Variants in PIK3R1 observed in about 807,000 individuals in gnomAD.
PIK3R1 encodes phosphoinositide-3-kinase regulatory subunit 1.
In PIK3R1, 29 loss-of-function variants were observed where a neutral mutation model predicts 98.0. The observed-to-expected ratio is 0.30, with a 90% CI of 0.22 to 0.40. The LOEUF (loss-of-function observed/expected upper bound fraction) is 0.40. Ranked by LOEUF, PIK3R1 falls within the 10% of genes least tolerant of loss-of-function variation. PIK3R1 has a pLI of 1.00. For synonymous variants in PIK3R1, 282 were observed against 311.8 expected, an observed-to-expected ratio of 0.90 and a Z score of 1.01; for missense variants, 596 against 872.7, an observed-to-expected ratio of 0.68 and a Z score of 3.99.
intron 2 of PIK3R1, among the ~76,000 whole-genome samples, chr5:68,235,745 A>G (rs1286347456): frequency 1.3e-5 from 2 of 152,234 alleles, no homozygotes; most frequent in African/African-American, 4.8e-5. Flanking sequence ...GTTAGAGTAT[A>G]TCAAAGTACA....
chr5:68,219,154 G>C (rs1297669887), intron 1 of PIK3R1, among the ~76,000 whole-genome samples: 1 of 152,138 alleles, frequency 6.6e-6, no homozygotes, highest in Non-Finnish European at 1.5e-5. Context: ...GGTGTTAGGT[G>C]TTTATTTATT....
At chr5:68,283,785 C>T (rs762261420) in intron 7 of PIK3R1, among the ~76,000 whole-genome samples, 2 of 152,198 alleles carry the variant, frequency 1.3e-5, no homozygotes, top group African/African-American at 2.4e-5. Flanking sequence ...GCCCAGGAGC[C>T]GCCTCCTACA....
Position 68,297,718 on chromosome 5 carries a change from TTTG to T in PIK3R1, c.*118_*120del, listed in dbSNP as rs1747810146. ...AGCTGCAGAAACGAAGCCATCTTTC[TTTG>T]GATGGGACTAGAGCTTTCTTTCACA... is the stretch of plus-strand genomic sequence containing the variant. On this transcript the variant is annotated 3_prime_UTR_variant, in exon 16 of 16. Transcript: ENST00000521381. 1.2e-6 allele frequency: 1 copy of T among 818,190 alleles called. No individual in the cohort carries two copies. Among genetic ancestry groups the T allele is most frequent in the South Asian group, 1.7e-5 (1 of 59,756 alleles). 50.7% of individuals were successfully genotyped at this position (818,190 alleles called of 1,614,324 possible).
intron 2 of PIK3R1, among the ~76,000 whole-genome samples, chr5:68,245,875 A>G (rs1166774508): frequency 6.6e-6 from 1 of 152,242 alleles, no homozygotes; most frequent in Non-Finnish European, 1.5e-5. Context: ...GAGGCTGTCC[A>G]AAGAAGAAAT....
At position 68,293,928 on chromosome 5, in the gene PIK3R1, G is replaced by A. The variant is rs181328914; in HGVS notation, c.1425+94G>A. ...AGAATTTAAAAGGTTGAGTTTTTAC[G>A]AATGAGGTGGGGGTGAGAGCATTTA... On this transcript the variant is annotated intron_variant, in intron 11 of 15. Transcript: ENST00000521381. 88 of 940,008 alleles carry A rather than the reference G, an allele frequency of 9.4e-5. No individual in the cohort carries two copies. In the African/African-American group the frequency reaches 1.2e-3, roughly 13 times the overall value. The allele number at this position is 940,008 out of a possible 1,614,324, so 58.2% of individuals were successfully genotyped here. A position where few individuals can be genotyped will look rare whatever the true frequency, so the allele number is the denominator to read the frequency against.
chr5:68,240,590 C>A (rs181989921), intron 2 of PIK3R1, among the ~76,000 whole-genome samples: 21 of 152,298 alleles, frequency 1.4e-4, no homozygotes, highest in Admixed American at 1.0e-3. Context: ...GTTTTCTTTG[C>A]CAGGAACCTG....
intron 1 of PIK3R1, 41 bp downstream of exon 1, chr5:68,215,990 G>C (rs1743843567): frequency 6.6e-6 from 1 of 152,494 alleles, no homozygotes; most frequent in Non-Finnish European, 1.5e-5. Flanking sequence ...GTGCTCGGGC[G>C]GGGGAGGCGG....
At chr5:68,245,278 G>A (rs1030800016) in intron 2 of PIK3R1, among the ~76,000 whole-genome samples, 2 of 152,008 alleles carry the variant, frequency 1.3e-5, no homozygotes, top group South Asian at 2.1e-4. Flanking sequence ...GTGGTAGTAC[G>A]TCTTGGAAAG....
intron 2 of PIK3R1, among the ~76,000 whole-genome samples, chr5:68,261,728 C>G (rs1397485629): frequency 6.6e-6 from 1 of 152,084 alleles, no homozygotes; most frequent in Non-Finnish European, 1.5e-5. Context: ...CATGTTAGAG[C>G]CAACAAAAAA....
At chr5:68,297,115 G>T (rs1747763574) in intron 15 of PIK3R1, among the ~76,000 whole-genome samples, 1 of 152,172 alleles carries the variant, frequency 6.6e-6, no homozygotes, top group African/African-American at 2.4e-5. Context: ...CATGCTTACT[G>T]CATGTCAGGC....
At chr5:68,259,970 C>G (rs914012551) in intron 2 of PIK3R1, among the ~76,000 whole-genome samples, 10 of 152,106 alleles carry the variant, frequency 6.6e-5, no homozygotes, top group African/African-American at 2.4e-4. Flanking sequence ...TGTTTTTCCT[C>G]TCTGTACAAT....
chr5:68,223,355 G>T (rs1413228956), intron 1 of PIK3R1, among the ~76,000 whole-genome samples: 3 of 151,530 alleles, frequency 2.0e-5, no homozygotes, highest in African/African-American at 7.3e-5. Flanking sequence ...CCACCCCAAT[G>T]ACTTGACTGC....
chr5:68,240,113 A>G (rs1744819971), intron 2 of PIK3R1, among the ~76,000 whole-genome samples: 1 of 149,652 alleles, frequency 6.7e-6, no homozygotes, highest in Admixed American at 6.7e-5. Context: ...CTTATATATA[A>G]ATGTTTATGT....
chr5:68,235,306 G>A (rs1744620903), intron 2 of PIK3R1, among the ~76,000 whole-genome samples: 1 of 152,042 alleles, frequency 6.6e-6, no homozygotes, highest in South Asian at 2.1e-4. Context: ...GGGAGGCTGA[G>A]GCAGGAGAAT....
At chr5:68,276,910 G>T (rs1174966212) in intron 4 of PIK3R1, among the ~76,000 whole-genome samples, 2 of 152,130 alleles carry the variant, frequency 1.3e-5, no homozygotes. Flanking sequence ...AAGAGCAGGT[G>T]ACAGCCACAG....
chr5:68,264,322 G>T (rs377384837), intron 2 of PIK3R1, among the ~76,000 whole-genome samples: 2 of 152,142 alleles, frequency 1.3e-5, no homozygotes. Context: ...GTCACGTAAA[G>T]ATTTTTTAAC....
intron 1 of PIK3R1, among the ~76,000 whole-genome samples, chr5:68,221,602 C>T (rs1310195343): frequency 6.6e-6 from 1 of 152,186 alleles, no homozygotes; most frequent in Non-Finnish European, 1.5e-5. Context: ...CCTGCCTGTC[C>T]ATCAAGTTCT....
At chr5:68,252,553 A>T (rs1745357142) in intron 2 of PIK3R1, among the ~76,000 whole-genome samples, 1 of 152,224 alleles carries the variant, frequency 6.6e-6, no homozygotes, top group Non-Finnish European at 1.5e-5. Context: ...GTGTGCGTGC[A>T]AATGTGATTA....
chr5:68,267,063 C>T (rs1448315286), intron 2 of PIK3R1, among the ~76,000 whole-genome samples: 1 of 152,154 alleles, frequency 6.6e-6, no homozygotes, highest in African/African-American at 2.4e-5. Context: ...ATCCTGTGGA[C>T]TCAGGTATAA....
Sources: allele counts gnomAD v4.1 joint callset (sites outside exome capture counted in the v4.1 genomes callset), GRCh38; gene constraint gnomAD v4.1.1; transcripts MANE v1.5; gene names NCBI Gene and HGNC (gene_info 2026-07-23, HGNC 2026-07-21).